Variants in NRDE2 observed in about 807,000 individuals in gnomAD.
NRDE2 encodes nuclear exosome regulator NRDE2.
Under a neutral mutation model 124.2 loss-of-function variants are expected in NRDE2, and 76 were observed. That is an observed-to-expected ratio of 0.61 (90% CI 0.51 to 0.74). The LOEUF is 0.74. Ranked by LOEUF, NRDE2 falls within the 30% of genes least tolerant of loss-of-function variation. The probability of loss-of-function intolerance (pLI) is 0.00; values close to 1 mark genes in which losing one functional copy is unlikely to be tolerated. For synonymous variants in NRDE2, 489 were observed against 528.1 expected (o/e 0.93, Z 1.01); for missense variants, 1,314 against 1,417.3 (o/e 0.93, Z 1.17).
chr14:90,297,892 G>A (rs1884238630), intron 8 of NRDE2, among the ~76,000 whole-genome samples: 1 of 145,724 alleles, frequency 6.9e-6, no homozygotes, highest in Admixed American at 7.0e-5. Flanking sequence ...AGTGAGCTGA[G>A]ATCCTGCCAC....
At position 90,273,237 on chromosome 14, in the gene NRDE2, T is replaced by TAAC. The variant is rs113100176; in HGVS notation, c.*5096_*5098dup. 0.16 allele frequency: 23,598 copies of TAAC among 152,110 alleles called. 2,326 individuals are homozygous for TAAC. Among genetic ancestry groups the TAAC allele is most frequent in the Middle Eastern group, 0.29 (86 of 294 alleles). The allele number at this position is 152,110 out of a possible 1,614,324, so 9.4% of individuals were successfully genotyped here. On this transcript the variant is annotated 3_prime_UTR_variant, in exon 14 of 14. Coordinates refer to ENST00000354366, the MANE Select transcript of NRDE2 (RefSeq NM_017970.4). ...GTGTATTAGTTTTCTGTTAATACTA[T>TAAC]AACAAGTTACCACAGGCTTTGTTTA... is the stretch of plus-strand genomic sequence containing the variant.
chr14:90,282,777 C>T (rs1299675441), intron 12 of NRDE2, among the ~76,000 whole-genome samples: 1 of 152,072 alleles, frequency 6.6e-6, no homozygotes, highest in Non-Finnish European at 1.5e-5. Context: ...AAGTGATTCT[C>T]CTGCCTTAGC....
intron 1 of NRDE2, among the ~76,000 whole-genome samples, chr14:90,325,867 G>C (rs1885410148): frequency 6.6e-6 from 1 of 152,154 alleles, no homozygotes; most frequent in Non-Finnish European, 1.5e-5. Context: ...GAGGAGAACA[G>C]CACCCCTCTC....
chr14:90,310,910 T>C (rs1884810124), intron 4 of NRDE2, among the ~76,000 whole-genome samples: 1 of 152,206 alleles, frequency 6.6e-6, no homozygotes, highest in Non-Finnish European at 1.5e-5. Flanking sequence ...CTCAAAAATA[T>C]ATGAATACAT....
chr14:90,298,588 G>A (rs991333991), intron 7 of NRDE2, among the ~76,000 whole-genome samples: 13 of 152,158 alleles, frequency 8.5e-5, no homozygotes, highest in African/African-American at 3.1e-4. Context: ...TAGCCCCCAT[G>A]ACCCTACCTC....
At chr14:90,293,696 C>T (rs17799244) in intron 8 of NRDE2, among the ~76,000 whole-genome samples, 23,549 of 152,082 alleles carry the variant, frequency 0.15, 2,192 homozygotes, top group South Asian at 0.21. Context: ...AGCCAGGGAC[C>T]GTATAATTAA....
chr14:90,304,447 G>C, intron 4 of NRDE2, 65 bp from the exon 5 acceptor site: 1 of 1,239,240 alleles, frequency 8.1e-7, no homozygotes, highest in Non-Finnish European at 1.1e-6. Context: ...ATGACTAAAG[G>C]CGCATTAGAC....
Position 90,277,659 on chromosome 14 carries a change from C to T in NRDE2, c.*677G>A, listed in dbSNP as rs894951925. ...CTAGACGGCTTGGGAGCAGGCTTCC[C>T]CCAGAGGCTGCCAGTGCCCCGGGCA... On this transcript the variant is annotated 3_prime_UTR_variant, in exon 14 of 14. Transcript: ENST00000354366. The T allele has an allele frequency of 5.9e-5, 9 of 152,350 alleles. 1 individual carries two copies. Among genetic ancestry groups the T allele is most frequent in the Non-Finnish European group, 1.3e-4 (9 of 68,154 alleles). The allele number at this position is 152,350 out of a possible 1,614,324, so 9.4% of individuals were successfully genotyped here.
chr14:90,312,487 A>T lies in NRDE2; in HGVS notation c.464T>A (p.Ile155Asn). The change falls in exon 4 of 14, where the codon ATT (isoleucine) becomes AAT (asparagine). Residue 155 changes from isoleucine to asparagine, a missense_variant. Coordinates refer to ENST00000354366, the MANE Select transcript of NRDE2 (RefSeq NM_017970.4). ...GAAGGTTTCTCCCGTCACAGCCTGAATGTCCTCAAGCCAAACAAAGCGATG... is the reference window on the plus strand; with the variant it reads ...GAAGGTTTCTCCCGTCACAGCCTGATTGTCCTCAAGCCAAACAAAGCGATG... ...TGHRFVWLED[I>N]QAVTGETFRT... 6.2e-7 allele frequency: 1 copy of T among 1,614,154 alleles called. No homozygotes were observed. Among genetic ancestry groups the T allele is most frequent in the Non-Finnish European group, 8.5e-7 (1 of 1,180,008 alleles).
In NRDE2 at chr14:90,313,170, A is replaced by G. The variant is rs1338602962; in HGVS notation, c.408-627T>C. ...GAGACGGAGTCTCGCTCTGTCACCC[A>G]GGCTGGAGTGCAGTGGCGCCATCTC... On this transcript the variant is annotated intron_variant, in intron 3 of 13. Transcript: ENST00000354366. Among the ~76,000 whole-genome samples, 9 of 124,520 alleles carry G rather than the reference A, an allele frequency of 7.2e-5. No homozygotes were observed. The Admixed American group carries it at 9.9e-4, about 14-fold the overall frequency. 81.7% of individuals were successfully genotyped at this position (124,520 alleles called of 152,430 possible). A position where few individuals can be genotyped will look rare whatever the true frequency, so the allele number is the denominator to read the frequency against.
chr14:90,326,901 TTAG>T (rs1885460486), intron 1 of NRDE2, among the ~76,000 whole-genome samples: 1 of 152,168 alleles, frequency 6.6e-6, no homozygotes, highest in African/African-American at 2.4e-5. Flanking sequence ...TCTGAAACTG[TTAG>T]TATTAGTCAC....
intron 9 of NRDE2, 48 bp from the exon 10 acceptor site, chr14:90,290,655 G>A (rs771907301): frequency 2.3e-5 from 35 of 1,547,200 alleles, no homozygotes; most frequent in South Asian, 2.0e-4. Flanking sequence ...AACAAAACCC[G>A]CACATTTGTC....
chr14:90,318,786 T>G (rs1885142224), intron 1 of NRDE2, among the ~76,000 whole-genome samples: 1 of 152,118 alleles, frequency 6.6e-6, no homozygotes, highest in East Asian at 1.9e-4. Context: ...ATGACAGAGT[T>G]AGACTCCATC....
At chr14:90,293,128 C>A (rs1795711925) in intron 8 of NRDE2, among the ~76,000 whole-genome samples, 1 of 152,140 alleles carries the variant, frequency 6.6e-6, no homozygotes, top group African/African-American at 2.4e-5. Context: ...GACACATACT[C>A]TAGAACAGTA....
In NRDE2 at chr14:90,316,675, G is replaced by A; in HGVS notation, c.310C>T (p.Pro104Ser). 1 of 1,613,994 alleles carries A rather than the reference G, an allele frequency of 6.2e-7. No individual in the cohort carries two copies. Among genetic ancestry groups the A allele is most frequent in the Non-Finnish European group, 8.5e-7 (1 of 1,179,978 alleles). Reference sequence around the variant, plus strand: ...GTCTCAGACCTGCTGCTACTCGACGGCCCATGCTTCCTCTTTGTTTTCTTA... The same window carrying A: ...GTCTCAGACCTGCTGCTACTCGACGACCCATGCTTCCTCTTTGTTTTCTTA... ...HHKKTKRKHG[P>S]SSSSRSETDT... The change falls in exon 3 of 14, where the codon CCG becomes TCG. Residue 104 changes from proline (P) to serine (S), a missense_variant. By Grantham distance (74) the Pro-to-Ser change is moderately conservative. Transcript: ENST00000354366.
intron 11 of NRDE2, among the ~76,000 whole-genome samples, chr14:90,287,772 G>A (rs1183397402): frequency 6.6e-6 from 1 of 152,150 alleles, no homozygotes; most frequent in Non-Finnish European, 1.5e-5. Context: ...ACCCTATGAA[G>A]TAGGTTTTTC....
chr14:90,269,563 G>A lies in NRDE2; in HGVS notation c.*8773C>T. 6.2e-7 allele frequency: 1 copy of A among 1,611,082 alleles called. No homozygotes were observed. The highest frequency in any genetic ancestry group is 8.5e-7 in the Non-Finnish European group (1 of 1,178,406). The stretch of plus-strand genomic sequence containing the variant: ...TATCAGACCAGGTTAAATTTGCTTT[G>A]GTTTCATCATGGAGATTAATGTGTT... On this transcript the variant is annotated 3_prime_UTR_variant, in exon 14 of 14. Coordinates refer to ENST00000354366, the MANE Select transcript of NRDE2 (RefSeq NM_017970.4).
At chr14:90,296,512 G>A (rs1406559375) in intron 8 of NRDE2, among the ~76,000 whole-genome samples, 4 of 152,132 alleles carry the variant, frequency 2.6e-5, no homozygotes, top group Admixed American at 6.5e-5. Context: ...GGCCCCTCTC[G>A]CTTCTTAGTG....
At chr14:90,315,903 G>A (rs1459227969) in intron 3 of NRDE2, among the ~76,000 whole-genome samples, 1 of 145,546 alleles carries the variant, frequency 6.9e-6, no homozygotes, top group Non-Finnish European at 1.5e-5. Context: ...GTTGTGGTGA[G>A]CTGAGATCGC....
Sources: allele counts gnomAD v4.1 joint callset (sites outside exome capture counted in the v4.1 genomes callset), GRCh38; gene constraint gnomAD v4.1.1; transcripts MANE v1.5; gene names NCBI Gene and HGNC (gene_info 2026-07-23, HGNC 2026-07-21).